The following EHD2 variants were observed in gnomAD, a reference collection of about 807,000 sequenced individuals.
The protein encoded by EHD2 is EH domain-containing protein 2.
In EHD2, 27 loss-of-function variants were observed where a neutral mutation model predicts 41.0. The observed-to-expected ratio is 0.66, with a 90% CI of 0.49 to 0.91. The LOEUF (loss-of-function observed/expected upper bound fraction) is 0.91, where lower values mean the gene tolerates loss of function less well. EHD2 is among the 40% of genes least tolerant of loss of function. The pLI, the probability that EHD2 is intolerant of heterozygous loss-of-function variation, is 0.00. For synonymous variants in EHD2, 342 were observed against 341.0 expected (o/e 1.00, Z -0.03); for missense variants, 673 against 773.9 (o/e 0.87, Z 1.55).
chr19:47,715,038 CAAATAAATAAATAAAT>C lies in EHD2; in HGVS notation c.-55-1492_-55-1477del, dbSNP rs60976490. Among the ~76,000 whole-genome samples the C allele has an allele frequency of 5.1e-3, 714 of 138,940 alleles. 7 individuals are homozygous for C. Among genetic ancestry groups the C allele is most frequent in the African/African-American group, 0.017 (647 of 37,110 alleles). The allele number at this position is 138,940 out of a possible 152,430, so 91.2% of individuals were successfully genotyped here. A position where few individuals can be genotyped will look rare whatever the true frequency, so the allele number is the denominator to read the frequency against. On this transcript the variant is annotated intron_variant, in intron 1 of 5. Coordinates refer to ENST00000263277, the MANE Select transcript of EHD2 (RefSeq NM_014601.4). ...GGGCTACAGAGTGAGACTCCATCTC[CAAATAAATAAATAAAT>C]AAATAAATAAATAAATAAATAAATA...
At chr19:47,715,078 TAAAA>T (rs549248174) in intron 1 of EHD2, among the ~76,000 whole-genome samples, 216 of 139,750 alleles carry the variant, frequency 1.5e-3, no homozygotes, top group Admixed American at 2.7e-3. Flanking sequence ...AATAAATAAA[TAAAA>T]AGAAAGAAAA....
At chr19:47,715,080 A>AAT in intron 1 of EHD2, among the ~76,000 whole-genome samples, 1 of 147,164 alleles carries the variant, frequency 6.8e-6, no homozygotes, top group East Asian at 2.0e-4. Context: ...TAAATAAATA[A>AAT]AAAGAAAGAA....
At chr19:47,723,629 C>T (rs551327083) in intron 3 of EHD2, among the ~76,000 whole-genome samples, 9 of 135,906 alleles carry the variant, frequency 6.6e-5, no homozygotes, top group Non-Finnish European at 1.4e-4. Context: ...GCACTCCAAC[C>T]TGGGCGACAG....
rs142488014 is a variant in EHD2 at position 47,726,452 on chromosome 19, G to A, written c.915+228G>A. ...CGTGTCACCCTGGCTTCTCTGTCCT[G>A]GTATTTCTATTTCTTCTTCCTCTTC... is the stretch of plus-strand genomic sequence containing the variant. On this transcript the variant is annotated intron_variant, in intron 4 of 5. Transcript: ENST00000263277. 481 of 422,842 alleles carry A rather than the reference G, an allele frequency of 1.1e-3. 1 individual carries two copies. Among genetic ancestry groups the A allele is most frequent in the Non-Finnish European group, 1.6e-3 (393 of 244,690 alleles). The allele number at this position is 422,842 out of a possible 1,614,324, so 26.2% of individuals were successfully genotyped here. A position where few individuals can be genotyped will look rare whatever the true frequency, so the allele number is the denominator to read the frequency against.
In EHD2 at chr19:47,725,903, C is replaced by T; in HGVS notation, c.594C>T (p.Asp198=). 3 of 1,613,884 alleles carry T rather than the reference C, an allele frequency of 1.9e-6. No individual in the cohort carries two copies. Among genetic ancestry groups the T allele is most frequent in the Non-Finnish European group, 2.5e-6 (3 of 1,179,772 alleles). ...ATGCGCACAAGCTGGAGATCTCGGA[C>T]GAGTTCTCAGAGGCCATCGGCGCGT... ...LFDAHKLEIS[D]EFSEAIGALR... The change falls in exon 4 of 6, where the codon GAC becomes GAT. Residue 198 remains aspartate, a synonymous_variant. Coordinates refer to ENST00000263277, the MANE Select transcript of EHD2 (RefSeq NM_014601.4).
intron 3 of EHD2, among the ~76,000 whole-genome samples, chr19:47,723,688 T>G (rs1973721189): frequency 6.6e-6 from 1 of 151,548 alleles, no homozygotes; most frequent in South Asian, 2.1e-4. Flanking sequence ...AACCATTTTT[T>G]TTTTTAAAGA....
intron 3 of EHD2, among the ~76,000 whole-genome samples, chr19:47,723,472 C>A (rs1973718125): frequency 6.6e-6 from 1 of 151,998 alleles, no homozygotes; most frequent in Middle Eastern, 3.4e-3. Flanking sequence ...CCATCCTGGC[C>A]AACATGGTGA....
chr19:47,728,645 T>C (rs1254708030), intron 4 of EHD2, among the ~76,000 whole-genome samples: 1 of 150,758 alleles, frequency 6.6e-6, no homozygotes, highest in Non-Finnish European at 1.5e-5. Flanking sequence ...ATCAGCTCAC[T>C]GCAACCTCCA....
rs991454739 is a variant in EHD2 at position 47,719,593 on chromosome 19, G to T, written c.502+987G>T. Reference sequence around the variant, plus strand: ...GGGGCAAAGGAGGCTGCTATGTGGGGCAGAGAGGATGGGAGGCCCTGGCGA... The same window carrying T: ...GGGGCAAAGGAGGCTGCTATGTGGGTCAGAGAGGATGGGAGGCCCTGGCGA... On this transcript the variant is annotated intron_variant, in intron 3 of 5. Coordinates refer to ENST00000263277, the MANE Select transcript of EHD2 (RefSeq NM_014601.4). This position sits in a 1 kb window ranked among gnomAD's most constrained non-coding sequence, Gnocchi z 4.1. Among the ~76,000 whole-genome samples the T allele has an allele frequency of 2.0e-5, 3 of 152,182 alleles. No individual in the cohort carries two copies. The highest frequency in any genetic ancestry group is 4.8e-5 in the African/African-American group (2 of 41,446).
At chr19:47,727,981 A>C (rs1973769143) in intron 4 of EHD2, among the ~76,000 whole-genome samples, 1 of 151,466 alleles carries the variant, frequency 6.6e-6, no homozygotes, top group Non-Finnish European at 1.5e-5. Context: ...CTGTAATCCC[A>C]GCTACTTGGG....
chr19:47,742,790 C>G lies in EHD2; in HGVS notation c.*1358C>G, dbSNP rs916097381. 47 of 152,562 alleles carry G rather than the reference C, an allele frequency of 3.1e-4. No homozygotes were observed. The highest frequency in any genetic ancestry group is 3.1e-3 in the Admixed American group (47 of 15,260). The allele number at this position is 152,562 out of a possible 1,614,324, so 9.5% of individuals were successfully genotyped here. A position where few individuals can be genotyped will look rare whatever the true frequency, so the allele number is the denominator to read the frequency against. On this transcript the variant is annotated 3_prime_UTR_variant, in exon 6 of 6. Transcript: ENST00000263277. ...CACCGCCTCTCTGCCTACCACCATTCCATATTTAAGTGGAGCCCCTACGTA... is the reference window on the plus strand; with the variant it reads ...CACCGCCTCTCTGCCTACCACCATTGCATATTTAAGTGGAGCCCCTACGTA...
chr19:47,715,270 C>G (rs567304103), intron 1 of EHD2, among the ~76,000 whole-genome samples: 21 of 152,148 alleles, frequency 1.4e-4, no homozygotes, highest in African/African-American at 5.1e-4. Flanking sequence ...TTTCTCACCC[C>G]TCCTCTTTGT....
rs1599893661 is a variant in EHD2 at position 47,726,095 on chromosome 19, C to T, written c.786C>T (p.Leu262=). 2 of 1,574,810 alleles carry T rather than the reference C, an allele frequency of 1.3e-6. No homozygotes were observed. The highest frequency in any genetic ancestry group is 1.4e-5 in the African/African-American group (1 of 74,032). ...VYIGSFWSQP[L]LVPDNRRLFE... is the part of the protein sequence containing the mutation. Reference sequence around the variant, plus strand: ...TCGGCTCCTTCTGGTCCCAGCCCCTCCTCGTGCCCGACAACCGGCGCCTCT... The same window carrying T: ...TCGGCTCCTTCTGGTCCCAGCCCCTTCTCGTGCCCGACAACCGGCGCCTCT... The change falls in exon 4 of 6, where the codon CTC becomes CTT. Residue 262 remains leucine (L), a synonymous_variant. Coordinates refer to ENST00000263277, the MANE Select transcript of EHD2 (RefSeq NM_014601.4).
chr19:47,725,735 G>C, intron 3 of EHD2, 77 bp from the exon 4 acceptor site: 1 of 1,502,984 alleles, frequency 6.7e-7, no homozygotes, highest in Non-Finnish European at 8.9e-7. Flanking sequence ...AAGAGAATGG[G>C]ATACTACTGA....
At chr19:47,739,753 T>G (rs1417117749) in intron 5 of EHD2, among the ~76,000 whole-genome samples, 2 of 151,636 alleles carry the variant, frequency 1.3e-5, no homozygotes, top group Admixed American at 6.6e-5. Context: ...CTGCTGAGTT[T>G]TTTTTTTTTT....
intron 2 of EHD2, 121 bp downstream of exon 2, chr19:47,717,137 T>G: frequency 7.6e-7 from 1 of 1,313,488 alleles, no homozygotes; most frequent in South Asian, 1.4e-5. Flanking sequence ...AACCTCCACC[T>G]CCTGGGTTCA....
chr19:47,736,580 G>C (rs1599902404), intron 5 of EHD2, 47 bp downstream of exon 5: 1 of 1,526,448 alleles, frequency 6.6e-7, no homozygotes, highest in East Asian at 2.4e-5. Context: ...TGATGGGAAG[G>C]TTGGTTTCTG....
intron 4 of EHD2, among the ~76,000 whole-genome samples, chr19:47,727,967 G>T (rs1002317475): frequency 6.6e-6 from 1 of 151,726 alleles, no homozygotes; most frequent in African/African-American, 2.4e-5. Flanking sequence ...GTGGTGGCGG[G>T]CACCTGTAAT....
chr19:47,728,863 C>A (rs1029254448), intron 4 of EHD2, among the ~76,000 whole-genome samples: 23 of 152,252 alleles, frequency 1.5e-4, no homozygotes, highest in Non-Finnish European at 2.5e-4. Flanking sequence ...AGCCACCACA[C>A]CCAGCCAATC....
Sources: gnomAD v4.1 joint callset for allele counts (sites outside exome capture counted in the v4.1 genomes callset) on GRCh38, gnomAD v4.1.1 for gene constraint, Gnocchi (gnomAD v3.1) non-coding constraint, MANE v1.5 for transcripts, NCBI Gene and HGNC (gene_info 2026-07-23, HGNC 2026-07-21) for gene names.